Variants in ENOX1 observed in about 807,000 individuals in gnomAD.
ENOX1 encodes ecto-NOX disulfide-thiol exchanger 1.
A neutral mutation model predicts 82.5 loss-of-function variants in ENOX1; 42 were observed. That is an observed-to-expected ratio of 0.51 (90% CI 0.40 to 0.66). The LOEUF (loss-of-function observed/expected upper bound fraction) is 0.66. Among genes scored for constraint, ENOX1 ranks in the 30% least tolerant of loss-of-function variants. The probability of loss-of-function intolerance (pLI) is 0.00; values close to 1 mark genes in which losing one functional copy is unlikely to be tolerated. For synonymous variants in ENOX1, 271 were observed against 282.2 expected, an observed-to-expected ratio of 0.96 and a Z score of 0.40; for missense variants, 608 against 811.6, an observed-to-expected ratio of 0.75 and a Z score of 3.05.
At chr13:43,513,575 C>T (rs1480577903) in intron 2 of ENOX1, among the ~76,000 whole-genome samples, 2 of 152,100 alleles carry the variant, frequency 1.3e-5, no homozygotes, top group African/African-American at 4.8e-5. Flanking sequence ...CAGACTTCTC[C>T]TTGTAACCCA....
chr13:43,667,240 T>C (rs75139428), intron 2 of ENOX1, among the ~76,000 whole-genome samples: 2,433 of 152,276 alleles, frequency 0.016, 19 homozygotes, highest in Middle Eastern at 0.034. Flanking sequence ...GAAAGAGATT[T>C]CAAGTGACCA....
At chr13:43,563,951 G>GA (rs34791602) in intron 2 of ENOX1, among the ~76,000 whole-genome samples, 13 of 148,974 alleles carry the variant, frequency 8.7e-5, no homozygotes, top group African/African-American at 2.2e-4. Flanking sequence ...AATTATTCTG[G>GA]AAAAAAAAAG....
At chr13:43,518,256 C>T (rs917270888) in intron 2 of ENOX1, among the ~76,000 whole-genome samples, 1 of 152,004 alleles carries the variant, frequency 6.6e-6, no homozygotes, top group African/African-American at 2.4e-5. Flanking sequence ...GTTGTGAGAA[C>T]AGATCTAAGC....
chr13:43,416,401 G>A (rs560557149), intron 3 of ENOX1, among the ~76,000 whole-genome samples: 1 of 150,914 alleles, frequency 6.6e-6, no homozygotes, highest in African/African-American at 2.4e-5. Flanking sequence ...CGGCCGGACA[G>A]AAGCGCTCCT....
rs1555289835 is a variant in ENOX1, at chr13:43,470,307, C to CGT, written c.-75+13701_-75+13702insAC. Among the ~76,000 whole-genome samples, 144 of 42,464 alleles carry CGT rather than the reference C, an allele frequency of 3.4e-3. 11 individuals are homozygous for CGT. The highest frequency in any genetic ancestry group is 0.013 in the East Asian group (40 of 3,124). 27.9% of individuals were successfully genotyped at this position (42,464 alleles called of 152,430 possible). On this transcript the variant is annotated intron_variant, in intron 3 of 16. Transcript: ENST00000690772. The stretch of plus-strand genomic sequence containing the variant: ...ACATATATATATACACATATATATA[C>CGT]ATATATATACACATATATATATGTA...
At position 43,298,521 on chromosome 13, in the gene ENOX1, G is replaced by A. The variant is rs1203373716; in HGVS notation, c.1271C>T (p.Ala424Val). ...CTCCTCTTTCAGAGCGTAGGCCTGG[G>A]CAGCCAGGGCTGAGGGACAAACAGA... Reference protein sequence around the residue: ...KMRVDESALAAQAYALKEEND... With the variant: ...KMRVDESALAVQAYALKEEND... Residue 424 changes from alanine to valine, a missense_variant, in exon 12 of 17, where the codon GCC (alanine) becomes GTC (valine). By Grantham distance (64) the Ala-to-Val change is moderately conservative. Coordinates refer to ENST00000690772, the MANE Select transcript of ENOX1 (RefSeq NM_001347969.2). 6.2e-7 allele frequency: 1 copy of A among 1,610,708 alleles called. No homozygotes were observed. The highest frequency in any genetic ancestry group is 8.5e-7 in the Non-Finnish European group (1 of 1,178,802).
intron 12 of ENOX1, among the ~76,000 whole-genome samples, chr13:43,284,809 TGTGTAA>T (rs1329483747): frequency 3.4e-5 from 4 of 118,686 alleles, no homozygotes; most frequent in African/African-American, 6.0e-5. Flanking sequence ...TGTGTGTGTG[TGTGTAA>T]GAGAGAGAGG....
chr13:43,294,599 C>T (rs2046187232), intron 12 of ENOX1, among the ~76,000 whole-genome samples: 1 of 152,110 alleles, frequency 6.6e-6, no homozygotes. Context: ...ACACACTTGC[C>T]ATATGACCCA....
intron 5 of ENOX1, among the ~76,000 whole-genome samples, chr13:43,377,747 TCAG>T (rs2051742380): frequency 6.6e-6 from 1 of 152,176 alleles, no homozygotes; most frequent in Non-Finnish European, 1.5e-5. Context: ...AAGTCAAGTG[TCAG>T]CTAGAAGCAG....
At chr13:43,382,646 A>C (rs2052134913) in intron 5 of ENOX1, among the ~76,000 whole-genome samples, 1 of 152,146 alleles carries the variant, frequency 6.6e-6, no homozygotes, top group South Asian at 2.1e-4. Context: ...AGTAGGTAGG[A>C]GGAAGAGATA....
At chr13:43,474,974 G>A (rs2058219522) in intron 3 of ENOX1, among the ~76,000 whole-genome samples, 2 of 151,972 alleles carry the variant, frequency 1.3e-5, no homozygotes, top group Non-Finnish European at 2.9e-5. Flanking sequence ...CAGGTTTGCT[G>A]GTGATTTGAG....
chr13:43,565,138 G>C (rs550006817), intron 2 of ENOX1, among the ~76,000 whole-genome samples: 1 of 152,250 alleles, frequency 6.6e-6, no homozygotes, highest in South Asian at 2.1e-4. Flanking sequence ...TGCTGTCATG[G>C]GGTGGAAGGC....
At chr13:43,645,528 C>T (rs181922262) in intron 2 of ENOX1, among the ~76,000 whole-genome samples, 3 of 152,278 alleles carry the variant, frequency 2.0e-5, no homozygotes, top group African/African-American at 4.8e-5. Flanking sequence ...CTTTCATTTA[C>T]TACTGTAACT....
intron 1 of ENOX1, among the ~76,000 whole-genome samples, chr13:43,698,507 G>A (rs1366482748): frequency 6.6e-6 from 1 of 152,156 alleles, no homozygotes; most frequent in African/African-American, 2.4e-5. Flanking sequence ...AATAGACTGT[G>A]AGCTAAAACT....
intron 1 of ENOX1, among the ~76,000 whole-genome samples, chr13:43,700,980 T>C (rs920252235): frequency 6.6e-6 from 1 of 152,162 alleles, no homozygotes; most frequent in Non-Finnish European, 1.5e-5. Flanking sequence ...ATTATTTTAG[T>C]TTTTCACTCT....
chr13:43,711,531 C>A (rs963796458), intron 1 of ENOX1, among the ~76,000 whole-genome samples: 3 of 152,038 alleles, frequency 2.0e-5, no homozygotes, highest in African/African-American at 7.3e-5. Context: ...GTTTATAGTC[C>A]CACCAACAGT....
intron 3 of ENOX1, among the ~76,000 whole-genome samples, chr13:43,456,548 A>T (rs2057239776): frequency 1.3e-5 from 2 of 152,048 alleles, no homozygotes; most frequent in Admixed American, 1.3e-4. Context: ...TTCTGCAGAT[A>T]AGAATCTCCA....
At chr13:43,418,366 A>G (rs1336160895) in intron 3 of ENOX1, among the ~76,000 whole-genome samples, 2 of 152,062 alleles carry the variant, frequency 1.3e-5, no homozygotes, top group Non-Finnish European at 2.9e-5. Context: ...TATCTCTACT[A>G]AAAATATAAA....
intron 2 of ENOX1, among the ~76,000 whole-genome samples, chr13:43,516,044 A>C (rs994412282): frequency 6.6e-6 from 1 of 152,194 alleles, no homozygotes; most frequent in Non-Finnish European, 1.5e-5. Flanking sequence ...TCCTAAGGGT[A>C]GATATTGAGC....
Sources: gnomAD v4.1 joint callset for allele counts (sites outside exome capture counted in the v4.1 genomes callset) on GRCh38, gnomAD v4.1.1 for gene constraint, MANE v1.5 for transcripts, NCBI Gene and HGNC (gene_info 2026-07-23, HGNC 2026-07-21) for gene names.